The following DOCK7 variants were observed in gnomAD, a reference collection of about 807,000 sequenced individuals.
DOCK7 encodes dedicator of cytokinesis protein 7.
Under a neutral mutation model 271.0 loss-of-function variants are expected in DOCK7, and 138 were observed. The ratio of observed to expected loss-of-function variants is 0.51; its 90% CI spans 0.44 to 0.59. The LOEUF is 0.59. Among genes scored for constraint, DOCK7 ranks in the 20% least tolerant of loss-of-function variants. The pLI, the probability that DOCK7 is intolerant of heterozygous loss-of-function variation, is 0.00. For synonymous variants in DOCK7, 823 were observed against 876.1 expected (o/e 0.94, Z 1.07); for missense variants, 2,066 against 2,592.4 (o/e 0.80, Z 4.41).
chr1:62,641,106 C>A, intron 7 of DOCK7: 1 of 250,226 alleles, frequency 4.0e-6, no homozygotes, highest in South Asian at 4.7e-5. Context: ...CGTAAACAGT[C>A]TTTATTGGAC....
Position 62,633,531 on chromosome 1 carries a change from T to C in DOCK7, c.1083A>G (p.Pro361=). The part of the protein sequence containing the change: ...QQGDIGECAE[P]YMIFKEADAT... ...CATCTGCTTCTTTGAAAATCATATATGGTTCTGCACACTCTCCAATGTCTC... is the reference window on the plus strand; with the variant it reads ...CATCTGCTTCTTTGAAAATCATATACGGTTCTGCACACTCTCCAATGTCTC... Residue 361 remains proline (P), a synonymous_variant, in exon 10 of 50, where the codon CCA becomes CCG. Transcript: ENST00000635253. 6.2e-7 allele frequency: 1 copy of C among 1,613,304 alleles called. No individual in the cohort carries two copies. Among genetic ancestry groups the C allele is most frequent in the Non-Finnish European group, 8.5e-7 (1 of 1,179,638 alleles).
intron 23 of DOCK7, 100 bp downstream of exon 23, chr1:62,544,847 T>G: frequency 1.1e-6 from 1 of 938,274 alleles, no homozygotes; most frequent in Non-Finnish European, 1.6e-6. Flanking sequence ...TTTTAATGAT[T>G]AAAAAAAGCA....
In DOCK7 at chr1:62,585,441, A is replaced by T. The variant is rs188617392; in HGVS notation, c.1800+1066T>A. The stretch of plus-strand genomic sequence containing the variant: ...GAATCTATAGCAATAGCATATTTCT[A>T]TTCCATATGTTACTGACTTCAGCTG... On this transcript the variant is annotated intron_variant, in intron 15 of 49. Transcript: ENST00000635253. 2.2e-4 allele frequency among the ~76,000 whole-genome samples: 33 copies of T among 152,304 alleles called. No individual in the cohort carries two copies. In the East Asian group the frequency reaches 5.6e-3, roughly 26 times the overall value.
At chr1:62,497,999 A>G (rs1281577807) in intron 37 of DOCK7, among the ~76,000 whole-genome samples, 1 of 151,770 alleles carries the variant, frequency 6.6e-6, no homozygotes, top group Non-Finnish European at 1.5e-5. Context: ...ATGGTGGCTC[A>G]CATCTGTAAT....
At chr1:62,598,106 G>A in intron 14 of DOCK7, 1 of 1,484,884 alleles carries the variant, frequency 6.7e-7, no homozygotes, top group Non-Finnish European at 9.0e-7. Context: ...TTTCAATGTG[G>A]ATCTTTTAAA....
chr1:62,499,573 T>C (rs1646720228), intron 37 of DOCK7, among the ~76,000 whole-genome samples: 1 of 151,706 alleles, frequency 6.6e-6, no homozygotes, highest in Non-Finnish European at 1.5e-5. Flanking sequence ...AAATATTTCC[T>C]CTAAGTAAGA....
chr1:62,455,852 T>C (rs1485455773), intron 49 of DOCK7, among the ~76,000 whole-genome samples: 1 of 152,168 alleles, frequency 6.6e-6, no homozygotes, highest in Non-Finnish European at 1.5e-5. Context: ...CCTTTTACAC[T>C]CTTAAAAATT....
chr1:62,545,409 G>GA (rs1200195240), intron 22 of DOCK7, among the ~76,000 whole-genome samples: 2 of 151,950 alleles, frequency 1.3e-5, no homozygotes, highest in African/African-American at 2.4e-5. Flanking sequence ...AGGTTTAAAG[G>GA]AAAAAATGGA....
Position 62,619,956 on chromosome 1 carries a change from A to G in DOCK7, c.1463T>C (p.Phe488Ser), listed in dbSNP as rs1243899642. The change falls in exon 13 of 50, where the codon TTC becomes TCC. Residue 488 changes from phenylalanine (F) to serine (S), a missense_variant. Coordinates refer to ENST00000635253, the MANE Select transcript of DOCK7 (RefSeq NM_001367561.1). ...AGATGGCCTTCTCATATCAGCAAGGAATTTGTAGAGATCTTCATCACTTAA... is the reference window on the plus strand; with the variant it reads ...AGATGGCCTTCTCATATCAGCAAGGGATTTGTAGAGATCTTCATCACTTAA... ...DRLSDEDLYK[F>S]LADMRRPSSV... The G allele has an allele frequency of 1.2e-6, 2 of 1,613,906 alleles. No homozygotes were observed. Among genetic ancestry groups the G allele is most frequent in the Non-Finnish European group, 1.7e-6 (2 of 1,179,884 alleles).
At chr1:62,595,870 A>C (rs1312502620) in intron 14 of DOCK7, among the ~76,000 whole-genome samples, 1 of 152,186 alleles carries the variant, frequency 6.6e-6, no homozygotes, top group Non-Finnish European at 1.5e-5. Flanking sequence ...TCGTGGCTAT[A>C]GTGAGCTATG....
intron 18 of DOCK7, among the ~76,000 whole-genome samples, chr1:62,574,574 A>C (rs933844983): frequency 1.3e-5 from 2 of 152,224 alleles, no homozygotes; most frequent in Non-Finnish European, 2.9e-5. Context: ...CAAACATAGA[A>C]GAAACAGTGT....
intron 14 of DOCK7, among the ~76,000 whole-genome samples, chr1:62,589,580 G>A (rs1265023184): frequency 1.3e-5 from 2 of 151,014 alleles, no homozygotes; most frequent in Non-Finnish European, 2.9e-5. Flanking sequence ...ATTGGTCACT[G>A]TTTCTAGACA....
intron 1 of DOCK7, among the ~76,000 whole-genome samples, chr1:62,670,216 G>A (rs1426502254): frequency 2.6e-5 from 4 of 152,320 alleles, no homozygotes; most frequent in South Asian, 2.1e-4. Context: ...CCCGACGAGC[G>A]CCACCCCCTG....
chr1:62,557,388 T>G lies in DOCK7; in HGVS notation c.2432-1399A>C, dbSNP rs573208715. 4.3e-4 allele frequency among the ~76,000 whole-genome samples: 66 copies of G among 151,956 alleles called. 1 individual carries two copies. The highest frequency in any genetic ancestry group is 1.5e-3 in the African/African-American group (64 of 41,442). ...TTTTCTCCCTTCTCCCATTTGAGCA[T>G]GTTTAGATGCTGATTTCTCTCAGCA... On this transcript the variant is annotated intron_variant, in intron 20 of 49. Transcript: ENST00000635253.
chr1:62,680,514 C>T (rs1362479269), intron 1 of DOCK7, among the ~76,000 whole-genome samples: 1 of 151,448 alleles, frequency 6.6e-6, no homozygotes, highest in African/African-American at 2.4e-5. Context: ...AAAGCAATGG[C>T]AACAAAAGCC....
At chr1:62,593,743 G>A (rs923928330) in intron 14 of DOCK7, among the ~76,000 whole-genome samples, 5 of 152,086 alleles carry the variant, frequency 3.3e-5, no homozygotes, top group African/African-American at 4.8e-5. Context: ...CCAAAAAGAC[G>A]GTCTAATGAG....
In DOCK7 at chr1:62,455,254, C is replaced by T. The variant is rs968459790; in HGVS notation, c.*160G>A. The T allele has an allele frequency of 1.2e-5, 9 of 780,018 alleles. No individual in the cohort carries two copies. In the Admixed American group the frequency reaches 1.4e-4, roughly 12 times the overall value. The allele number at this position is 780,018 out of a possible 1,614,324, so 48.3% of individuals were successfully genotyped here. A position where few individuals can be genotyped will look rare whatever the true frequency, so the allele number is the denominator to read the frequency against. ...CATTAGAAACCATAGCCATGATTCT[C>T]AAGCGTTAACAATCTACATTTGATA... On this transcript the variant is annotated 3_prime_UTR_variant, in exon 50 of 50. Coordinates refer to ENST00000635253, the MANE Select transcript of DOCK7 (RefSeq NM_001367561.1).
chr1:62,645,936 A>G (rs1656592751), intron 7 of DOCK7, among the ~76,000 whole-genome samples: 1 of 151,926 alleles, frequency 6.6e-6, no homozygotes, highest in East Asian at 1.9e-4. Flanking sequence ...ACACGAGGTC[A>G]GGAGATCGAG....
At chr1:62,587,377 G>A (rs912307896) in intron 14 of DOCK7, among the ~76,000 whole-genome samples, 4 of 150,072 alleles carry the variant, frequency 2.7e-5, no homozygotes, top group Non-Finnish European at 4.4e-5. Flanking sequence ...TGAACAAGAC[G>A]TTTAGTATAA....
Sources: gnomAD v4.1 joint callset for allele counts (sites outside exome capture counted in the v4.1 genomes callset) on GRCh38, gnomAD v4.1.1 for gene constraint, MANE v1.5 for transcripts, NCBI Gene and HGNC (gene_info 2026-07-23, HGNC 2026-07-21) for gene names.